Variants in BICD1 observed in about 807,000 individuals in gnomAD.
BICD1 encodes BICD cargo adaptor 1.
Under a neutral mutation model 92.5 loss-of-function variants are expected in BICD1, and 35 were observed. The observed-to-expected ratio is 0.38, with a 90% CI of 0.29 to 0.50. The LOEUF is 0.50. Ranked by LOEUF, BICD1 falls within the 20% of genes least tolerant of loss-of-function variation. The pLI, the probability that BICD1 is intolerant of heterozygous loss-of-function variation, is 0.93. For missense variants in BICD1, 950 were observed against 1,189.8 expected (o/e 0.80, Z 2.97); for synonymous variants, 429 against 465.1 (o/e 0.92, Z 1.00).
At chr12:32,357,698 T>C (rs1172720829) in intron 8 of BICD1, among the ~76,000 whole-genome samples, 1 of 152,194 alleles carries the variant, frequency 6.6e-6, no homozygotes, top group Non-Finnish European at 1.5e-5. Flanking sequence ...GAAGGCCACC[T>C]TCTCACTGTC....
intron 9 of BICD1, among the ~76,000 whole-genome samples, chr12:32,370,773 CTGT>C (rs1939709122): frequency 6.6e-6 from 1 of 152,218 alleles, no homozygotes; most frequent in Non-Finnish European, 1.5e-5. Flanking sequence ...TGCTCAGTAT[CTGT>C]TATCAATACT....
chr12:32,158,441 C>T (rs896657190), intron 1 of BICD1, among the ~76,000 whole-genome samples: 3 of 151,696 alleles, frequency 2.0e-5, no homozygotes, highest in Non-Finnish European at 4.4e-5. Flanking sequence ...CTGGGCGACA[C>T]GGTGAGACCC....
At chr12:32,239,242 G>A (rs561486219) in intron 2 of BICD1, among the ~76,000 whole-genome samples, 11 of 32,352 alleles carry the variant, frequency 3.4e-4, no homozygotes, top group Admixed American at 9.5e-4. Context: ...GTCAGACTCC[G>A]TCTCAAAAAA....
intron 3 of BICD1, among the ~76,000 whole-genome samples, chr12:32,301,994 C>T (rs1948062250): frequency 6.6e-6 from 1 of 152,148 alleles, no homozygotes; most frequent in African/African-American, 2.4e-5. Context: ...TCACGCCATT[C>T]TCCTGCCTCA....
At position 32,149,424 on chromosome 12, in the gene BICD1, T is replaced by C. The variant is rs147391185; in HGVS notation, c.213+41880T>C. On this transcript the variant is annotated intron_variant, in intron 1 of 9. Coordinates refer to ENST00000652176, the MANE Select transcript of BICD1 (RefSeq NM_001714.4). ...GTAACCCACCTTTGATATGTTTTCA[T>C]ATACATTATGGGGAAACCATATTTT... is the stretch of plus-strand genomic sequence containing the variant. Among the ~76,000 whole-genome samples, 261 of 152,398 alleles carry C rather than the reference T, an allele frequency of 1.7e-3. 6 individuals carry two copies. The highest frequency in any genetic ancestry group is 0.015 in the Admixed American group (237 of 15,314).
intron 1 of BICD1, among the ~76,000 whole-genome samples, chr12:32,208,068 C>T (rs548106266): frequency 3.2e-4 from 49 of 152,170 alleles, no homozygotes; most frequent in African/African-American, 2.7e-4. Flanking sequence ...CATTTTGGTA[C>T]GAATTTTATA....
chr12:32,192,475 TAGACAAA>T (rs1944603497), intron 1 of BICD1, among the ~76,000 whole-genome samples: 1 of 147,294 alleles, frequency 6.8e-6, no homozygotes, highest in Admixed American at 6.6e-5. Context: ...GATAGATAGA[TAGACAAA>T]TAAAGCAAAA....
intron 1 of BICD1, among the ~76,000 whole-genome samples, chr12:32,155,256 C>G (rs1943405057): frequency 6.6e-6 from 1 of 152,158 alleles, no homozygotes; most frequent in Admixed American, 6.5e-5. Context: ...TGTTATTACC[C>G]AGGGGCATTT....
intron 2 of BICD1, among the ~76,000 whole-genome samples, chr12:32,223,878 T>G (rs556654388): frequency 1.3e-5 from 2 of 152,262 alleles, no homozygotes; most frequent in South Asian, 4.1e-4. Context: ...GAGAAAGAGA[T>G]GGGGAATGGC....
At chr12:32,268,640 A>G (rs1027096203) in intron 2 of BICD1, among the ~76,000 whole-genome samples, 19 of 152,152 alleles carry the variant, frequency 1.2e-4, no homozygotes, top group Non-Finnish European at 4.4e-5. Context: ...TACTAAAAAT[A>G]CAAAAATTAG....
At chr12:32,117,705 T>TACACACACACACACACAC (rs1187433090) in intron 1 of BICD1, among the ~76,000 whole-genome samples, 503 of 83,612 alleles carry the variant, frequency 6.0e-3, no homozygotes, top group East Asian at 0.012. Context: ...TATACACAAA[T>TACACACACACACACACAC]ATATATACAC....
At chr12:32,174,731 T>G (rs528254083) in intron 1 of BICD1, among the ~76,000 whole-genome samples, 76 of 152,372 alleles carry the variant, frequency 5.0e-4, no homozygotes, top group African/African-American at 1.8e-3. Flanking sequence ...TTTAAAATAG[T>G]AATTACTCCT....
intron 1 of BICD1, among the ~76,000 whole-genome samples, chr12:32,188,536 T>C (rs1944481228): frequency 6.6e-6 from 1 of 152,198 alleles, no homozygotes; most frequent in Non-Finnish European, 1.5e-5. Flanking sequence ...TCAAAACCCA[T>C]AGAGGTTCCC....
rs371272129 is a variant in BICD1 at position 32,148,460 on chromosome 12, C to T, written c.213+40916C>T. On this transcript the variant is annotated intron_variant, in intron 1 of 9. Transcript: ENST00000652176. ...ATACAATTCTTATTGTAAAATAAAG[C>T]TCTATTCTGGTTTTGTGCATCAGTC... Among the ~76,000 whole-genome samples, 11 of 152,282 alleles carry T rather than the reference C, an allele frequency of 7.2e-5. No homozygotes were observed. The East Asian group carries it at 9.7e-4, about 13-fold the overall frequency.
intron 3 of BICD1, 97 bp downstream of exon 3, chr12:32,294,243 C>G: frequency 1.7e-6 from 2 of 1,178,058 alleles, no homozygotes; most frequent in Non-Finnish European, 2.4e-6. Context: ...TATTGTTACT[C>G]TTTTATCTTC....
chr12:32,317,259 C>T (rs1948529633), intron 4 of BICD1, among the ~76,000 whole-genome samples: 2 of 152,172 alleles, frequency 1.3e-5, no homozygotes, highest in African/African-American at 2.4e-5. Flanking sequence ...ATTTCTAGTT[C>T]TAGATCCCTG....
At chr12:32,203,875 A>G (rs1944976722) in intron 1 of BICD1, among the ~76,000 whole-genome samples, 1 of 152,202 alleles carries the variant, frequency 6.6e-6, no homozygotes, top group Non-Finnish European at 1.5e-5. Context: ...ATTAGGAAAC[A>G]GAAACCTGTC....
chr12:32,374,845 C>T (rs1426543603), intron 9 of BICD1, among the ~76,000 whole-genome samples: 2 of 147,896 alleles, frequency 1.4e-5, no homozygotes, highest in East Asian at 2.0e-4. Flanking sequence ...CCTCGGCCTC[C>T]CAAAGTGCTG....
chr12:32,251,091 T>C (rs1341976255), intron 2 of BICD1, among the ~76,000 whole-genome samples: 1 of 152,234 alleles, frequency 6.6e-6, no homozygotes, highest in Non-Finnish European at 1.5e-5. Flanking sequence ...ATTTTATTTT[T>C]CTAATGTTTA....
Sources: allele counts gnomAD v4.1 joint callset (sites outside exome capture counted in the v4.1 genomes callset), GRCh38; gene constraint gnomAD v4.1.1; transcripts MANE v1.5; gene names NCBI Gene and HGNC (gene_info 2026-07-23, HGNC 2026-07-21).